The following ACOT11 variants were observed in gnomAD, a reference collection of about 807,000 sequenced individuals.
ACOT11 encodes the protein acyl-CoA thioesterase 11.
ACOT11 carries 69 observed loss-of-function variants against 77.5 expected under a neutral mutation model. The observed-to-expected ratio is 0.89, with a 90% CI of 0.73 to 1.09. ACOT11 has a LOEUF of 1.09. Among genes scored for constraint, ACOT11 ranks in the 50% least tolerant of loss-of-function variants. The pLI is 0.00. For missense variants in ACOT11, 766 were observed against 813.7 expected (o/e 0.94, Z 0.71); for synonymous variants, 279 against 313.0 (o/e 0.89, Z 1.15).
At chr1:54,578,845 G>GAA (rs61293546) in intron 1 of ACOT11, among the ~76,000 whole-genome samples, 274 of 146,604 alleles carry the variant, frequency 1.9e-3, no homozygotes, top group African/African-American at 6.5e-3. Context: ...TTATGATCTT[G>GAA]AAAAAAAAAA....
chr1:54,623,648 A>C, intron 15 of ACOT11: 2 of 426,576 alleles, frequency 4.7e-6, no homozygotes, highest in South Asian at 7.8e-5. Context: ...ACCATATCTA[A>C]AATGACCTTT....
At chr1:54,587,713 C>G (rs1477935914) in intron 3 of ACOT11, among the ~76,000 whole-genome samples, 1 of 150,706 alleles carries the variant, frequency 6.6e-6, no homozygotes, top group Non-Finnish European at 1.5e-5. Flanking sequence ...AGGTGCGTGA[C>G]ACCACACCCA....
At chr1:54,548,587 T>A (rs1401934533) in intron 1 of ACOT11, 3 of 583,204 alleles carry the variant, frequency 5.1e-6, no homozygotes, top group African/African-American at 3.8e-5. Context: ...TGGAATCACC[T>A]TCAGCAAGTG....
Position 54,584,588 on chromosome 1 carries a change from G to A in ACOT11, c.34-67G>A. On this transcript the variant is annotated intron_variant, in intron 1 of 15. Transcript: ENST00000343744. This position sits in a 1 kb window ranked among gnomAD's most constrained non-coding sequence, Gnocchi z 6.3. ...CCCAGACCCTAAGTTCTCAGGGCTG[G>A]ACAGACCTGGGAGACCCTGCAGCAA... 3 of 1,478,862 alleles carry A rather than the reference G, an allele frequency of 2.0e-6. No individual in the cohort carries two copies. The allele number at this position is 1,478,862 out of a possible 1,614,324, so 91.6% of individuals were successfully genotyped here. A position where few individuals can be genotyped will look rare whatever the true frequency, so the allele number is the denominator to read the frequency against.
rs112443195 is a variant in ACOT11, at chr1:54,628,808, C to T, written c.1630-1926C>T. On this transcript the variant is annotated intron_variant, in intron 15 of 16. Transcript: ENST00000371316. Reference sequence around the variant, plus strand: ...GGTGCAGTGGCTCATGCCTGTAATCCCAACACTTTGGGAGGCTAAGGCGGG... The same window carrying T: ...GGTGCAGTGGCTCATGCCTGTAATCTCAACACTTTGGGAGGCTAAGGCGGG... 3.5e-3 allele frequency among the ~76,000 whole-genome samples: 464 copies of T among 132,642 alleles called. 39 individuals carry two copies. The highest frequency in any genetic ancestry group is 0.011 in the African/African-American group (448 of 39,208). The allele number at this position is 132,642 out of a possible 152,430, so 87.0% of individuals were successfully genotyped here. A position where few individuals can be genotyped will look rare whatever the true frequency, so the allele number is the denominator to read the frequency against.
chr1:54,638,355 T>G (rs1644342539), exon 17 of ACOT11: 1 of 152,144 alleles, frequency 6.6e-6, no homozygotes, highest in Non-Finnish European at 1.5e-5. Flanking sequence ...CTAAAGGAGT[T>G]TACAACTAAG....
In ACOT11 at chr1:54,609,991, G is replaced by A. The variant is rs148888671; in HGVS notation, c.*879G>A. The A allele has an allele frequency of 1.3e-6, 2 of 1,551,406 alleles. No individual in the cohort carries two copies. The highest frequency in any genetic ancestry group is 1.2e-5 in the South Asian group (1 of 82,558). On this transcript the variant is annotated 3_prime_UTR_variant, in exon 16 of 16. Coordinates refer to ENST00000343744, the MANE Select transcript of ACOT11 (RefSeq NM_147161.4). ...GTGTTTAGGATTTGGGTTATCATAA[G>A]GTGTTAAGAGTCCCTTGTTAAAGGG...
chr1:54,562,222 A>G (rs1315944615), intron 1 of ACOT11, among the ~76,000 whole-genome samples: 1 of 54,104 alleles, frequency 1.8e-5, no homozygotes, highest in African/African-American at 1.1e-4. Context: ...CGGAGGGCTG[A>G]CCCCCCCACC....
chr1:54,601,424 C>A lies in ACOT11; in HGVS notation c.1029+11C>A. 6.2e-7 allele frequency: 1 copy of A among 1,609,142 alleles called. No individual in the cohort carries two copies. Among genetic ancestry groups the A allele is most frequent in the Non-Finnish European group, 8.5e-7 (1 of 1,179,068 alleles). On this transcript the variant is annotated intron_variant, in intron 9 of 15. Transcript: ENST00000343744. ...CGGCCCCAGCCCGGCGTAAGTGGGA[C>A]CAGCGCCCTGCCCCACCAGCAGCTC... is the stretch of plus-strand genomic sequence containing the variant.
chr1:54,620,023 A>G, intron 15 of ACOT11: 2 of 1,612,740 alleles, frequency 1.2e-6, no homozygotes, highest in East Asian at 2.2e-5. Context: ...AGGAATCCCA[A>G]GGGGCTGTTA....
At chr1:54,578,903 A>T (rs912808883) in intron 1 of ACOT11, among the ~76,000 whole-genome samples, 1 of 152,098 alleles carries the variant, frequency 6.6e-6, no homozygotes, top group Non-Finnish European at 1.5e-5. Context: ...AGGACCTGAG[A>T]CTTAGTAGGC....
chr1:54,621,642 G>A (rs1043830167), intron 15 of ACOT11: 1 of 152,570 alleles, frequency 6.6e-6, no homozygotes, highest in East Asian at 1.9e-4. Context: ...CAGGCAGAGG[G>A]ACCTTGTAAG....
intron 8 of ACOT11, chr1:54,599,652 C>T: frequency 3.5e-6 from 1 of 286,076 alleles, no homozygotes; most frequent in African/African-American, 2.2e-5. Context: ...CCTCTGGGAT[C>T]CCCCAGCCCC....
intron 15 of ACOT11, among the ~76,000 whole-genome samples, chr1:54,617,709 A>ATTGTTT (rs1644187560): frequency 1.8e-5 from 1 of 55,740 alleles, no homozygotes; most frequent in Non-Finnish European, 3.0e-5. Flanking sequence ...AGGGCCTGAG[A>ATTGTTT]TTTTTTTTTT....
At chr1:54,599,172 AAAAAAAAAAATATATATATAT>A (rs1643927992) in intron 7 of ACOT11, 103 bp from the exon 8 acceptor site, 1 of 49,848 alleles carries the variant, frequency 2.0e-5, no homozygotes, top group East Asian at 6.0e-4. Flanking sequence ...AAAAAAAAAA[AAAAAAAAAAATATATATATAT>A]ATATATATAT....
At chr1:54,598,098 A>G (rs1643911925) in intron 7 of ACOT11, 1 of 152,486 alleles carries the variant, frequency 6.6e-6, no homozygotes, top group Non-Finnish European at 1.5e-5. Context: ...ATTCCTCCTT[A>G]TTCTTTAGAG....
At chr1:54,632,306 C>T (rs763949915) in intron 16 of ACOT11, among the ~76,000 whole-genome samples, 35 of 152,328 alleles carry the variant, frequency 2.3e-4, no homozygotes, top group Middle Eastern at 3.4e-3. Context: ...CTGCCACAGC[C>T]GGTAGTGCTG....
rs111738675 is a variant in ACOT11 at position 54,622,568 on chromosome 1, CA to C, written c.1630-8155del. ...CTGGCGACAGAGAGAGACTCCGTTT[CA>C]AAAAAAAAAACCACAAAAAATTAGC... On this transcript the variant is annotated intron_variant, in intron 15 of 16. Transcript: ENST00000371316. Among the ~76,000 whole-genome samples the C allele has an allele frequency of 6.0e-3, 840 of 140,236 alleles. 4 individuals carry two copies. Among genetic ancestry groups the C allele is most frequent in the African/African-American group, 0.02 (762 of 38,460 alleles). The allele number at this position is 140,236 out of a possible 152,430, so 92.0% of individuals were successfully genotyped here.
At chr1:54,561,088 T>G (rs111746808) in intron 1 of ACOT11, among the ~76,000 whole-genome samples, 3 of 55,910 alleles carry the variant, frequency 5.4e-5, no homozygotes, top group African/African-American at 2.0e-4. Flanking sequence ...TTTTATTTTT[T>G]TTATTTTTTT....
Sources: allele counts gnomAD v4.1 joint callset (sites outside exome capture counted in the v4.1 genomes callset), GRCh38; gene constraint gnomAD v4.1.1; non-coding constraint Gnocchi (gnomAD v3.1); transcripts MANE v1.5; gene names NCBI Gene and HGNC (gene_info 2026-07-23, HGNC 2026-07-21).